Variants in HERC3 observed in about 807,000 individuals in gnomAD.
HERC3 encodes the protein HECT and RLD domain containing E3 ubiquitin protein ligase 3.
A neutral mutation model predicts 129.9 loss-of-function variants in HERC3; 58 were observed. The observed-to-expected ratio is 0.45, with a 90% CI of 0.36 to 0.56. The LOEUF (loss-of-function observed/expected upper bound fraction) is 0.56. HERC3 is among the 20% of genes least tolerant of loss of function. HERC3 has a pLI of 0.00. For missense variants in HERC3, 835 were observed against 1,244.2 expected, an observed-to-expected ratio of 0.67 and a Z score of 4.95; for synonymous variants, 430 against 451.0, an observed-to-expected ratio of 0.95 and a Z score of 0.59.
chr4:88,612,854 AT>A lies in HERC3; in HGVS notation c.226+6811del, dbSNP rs938795848. On this transcript the variant is annotated intron_variant, in intron 3 of 25. Transcript: ENST00000402738. ...CATAAGCTTTTTTTTCCTGAATGTT[AT>A]TTTTTATAAGTGACTAAGTGGACAT... Among the ~76,000 whole-genome samples, 5 of 151,758 alleles carry A rather than the reference AT, an allele frequency of 3.3e-5. No homozygotes were observed. In the East Asian group the frequency reaches 9.6e-4, roughly 29 times the overall value.
chr4:88,671,122 C>T (rs1406905287), intron 16 of HERC3, among the ~76,000 whole-genome samples: 1 of 152,074 alleles, frequency 6.6e-6, no homozygotes, highest in African/African-American at 2.4e-5. Flanking sequence ...GGAACTGCTC[C>T]TTTTGATAGC....
intron 10 of HERC3, among the ~76,000 whole-genome samples, chr4:88,660,594 C>A (rs1730391115): frequency 6.6e-6 from 1 of 152,170 alleles, no homozygotes; most frequent in South Asian, 2.1e-4. Context: ...TCAGATACCC[C>A]TTTGCTACAC....
chr4:88,642,238 G>C (rs950685614), intron 3 of HERC3, among the ~76,000 whole-genome samples: 3 of 151,606 alleles, frequency 2.0e-5, no homozygotes, highest in South Asian at 4.2e-4. Flanking sequence ...TGACACTGAT[G>C]AAATAAAATC....
chr4:88,663,969 T>C (rs1010790331), intron 11 of HERC3, among the ~76,000 whole-genome samples, 184 bp from the exon 12 acceptor site: 1 of 152,220 alleles, frequency 6.6e-6, no homozygotes, highest in African/African-American at 2.4e-5. Context: ...ACTTAAGTTC[T>C]TCTTCATTTT....
At chr4:88,576,274 G>C in the HERC3 span, among the ~76,000 whole-genome samples, 1 of 152,042 alleles carries the variant, frequency 6.6e-6, no homozygotes, top group East Asian at 1.9e-4. Flanking sequence ...TTCCACCCTT[G>C]CCGTCTTTCC....
chr4:88,663,537 T>A (rs576848640), intron 11 of HERC3, among the ~76,000 whole-genome samples: 4 of 152,308 alleles, frequency 2.6e-5, no homozygotes, highest in Admixed American at 2.0e-4. Flanking sequence ...CAGAAACTAC[T>A]GTAATCCCCT....
At chr4:88,578,847 T>G in the HERC3 span, among the ~76,000 whole-genome samples, 1 of 151,670 alleles carries the variant, frequency 6.6e-6, no homozygotes, top group African/African-American at 2.4e-5. Context: ...GGGAAAGAGG[T>G]GGAGACAGGA....
upstream of HERC3, among the ~76,000 whole-genome samples, chr4:88,590,887 CTT>C (rs11333423): frequency 0.016 from 2,267 of 137,600 alleles, 41 homozygotes; most frequent in African/African-American, 0.056. Context: ...CTTTTTCTTT[CTT>C]TTTTTTTTTT....
the HERC3 span, among the ~76,000 whole-genome samples, chr4:88,549,844 G>C: frequency 1.3e-5 from 2 of 151,960 alleles, no homozygotes; most frequent in Non-Finnish European, 1.5e-5. Flanking sequence ...CATTTGAAAT[G>C]GTCCATCTTC....
In HERC3 at chr4:88,653,068, G is replaced by T. The variant is rs754254483; in HGVS notation, c.663G>T (p.Gln221His). ...VFGWGMNNAG[Q>H]LGLSDEKDRE... Reference sequence around the variant, plus strand: ...GCTGGGGGATGAATAATGCCGGGCAGCTAGGGCTCAGTGATGAAAAAGGTA... The same window carrying T: ...GCTGGGGGATGAATAATGCCGGGCATCTAGGGCTCAGTGATGAAAAAGGTA... Residue 221 changes from glutamine (Q) to histidine (H), a missense_variant, in exon 6 of 26, where the codon CAG becomes CAT. Gln to His is a conservative substitution (Grantham distance 24). Transcript: ENST00000402738. 1.2e-6 allele frequency: 2 copies of T among 1,614,210 alleles called. No individual in the cohort carries two copies. Among genetic ancestry groups the T allele is most frequent in the Non-Finnish European group, 8.5e-7 (1 of 1,180,028 alleles).
chr4:88,625,721 A>G (rs1205307968), intron 3 of HERC3, among the ~76,000 whole-genome samples: 1 of 152,072 alleles, frequency 6.6e-6, no homozygotes, highest in Non-Finnish European at 1.5e-5. Context: ...GTACATCCTC[A>G]CCTTGTTCCT....
chr4:88,537,551 T>A, the HERC3 span, among the ~76,000 whole-genome samples: 1 of 152,230 alleles, frequency 6.6e-6, no homozygotes, highest in African/African-American at 2.4e-5. Flanking sequence ...ATTAAAGTGG[T>A]CCGTTTAAGT....
chr4:88,544,028 A>T, the HERC3 span, among the ~76,000 whole-genome samples: 3 of 152,250 alleles, frequency 2.0e-5, no homozygotes, highest in African/African-American at 2.4e-5. Flanking sequence ...TTCATGACTA[A>T]AACACCAAAA....
At chr4:88,614,692 C>T (rs1381758226) in intron 3 of HERC3, among the ~76,000 whole-genome samples, 1 of 152,100 alleles carries the variant, frequency 6.6e-6, no homozygotes, top group East Asian at 1.9e-4. Context: ...CTATTTGCCT[C>T]TTGTTCTTTG....
At chr4:88,572,508 T>C in the HERC3 span, among the ~76,000 whole-genome samples, 3 of 152,000 alleles carry the variant, frequency 2.0e-5, no homozygotes, top group East Asian at 3.9e-4. Context: ...ATATGTAAAA[T>C]TGATATAATT....
chr4:88,536,859 A>G, the HERC3 span, among the ~76,000 whole-genome samples: 13 of 152,316 alleles, frequency 8.5e-5, no homozygotes, highest in Non-Finnish European at 1.5e-4. Context: ...TGCTAGAAGG[A>G]GTACTCTATC....
intron 3 of HERC3, among the ~76,000 whole-genome samples, chr4:88,647,163 G>T (rs150589565): frequency 6.6e-6 from 1 of 152,178 alleles, no homozygotes; most frequent in Non-Finnish European, 1.5e-5. Flanking sequence ...TGGAATCCAG[G>T]TGTTCCCTTT....
the HERC3 span, among the ~76,000 whole-genome samples, chr4:88,575,498 T>TA: frequency 6.6e-6 from 1 of 152,208 alleles, no homozygotes; most frequent in Admixed American, 6.5e-5. Context: ...GCAGTGCTTT[T>TA]AAGAGTCAAC....
At chr4:88,694,049 A>G (rs1402172220) in intron 23 of HERC3, among the ~76,000 whole-genome samples, 1 of 152,232 alleles carries the variant, frequency 6.6e-6, no homozygotes, top group Non-Finnish European at 1.5e-5. Context: ...ACATCCCTGT[A>G]TCCTTAGAGA....
Sources: gnomAD v4.1 joint callset for allele counts (sites outside exome capture counted in the v4.1 genomes callset) on GRCh38, gnomAD v4.1.1 for gene constraint, MANE v1.5 for transcripts, NCBI Gene and HGNC (gene_info 2026-07-23, HGNC 2026-07-21) for gene names.